The following CSMD1 variants were observed in gnomAD, a reference collection of about 807,000 sequenced individuals.
The protein encoded by CSMD1 is CUB and sushi domain-containing protein 1.
In CSMD1, 213 loss-of-function variants were observed where a neutral mutation model predicts 417.5. The ratio of observed to expected loss-of-function variants is 0.51; its 90% confidence interval spans 0.46 to 0.57. CSMD1 has a LOEUF of 0.57. Among genes scored for constraint, CSMD1 ranks in the 20% least tolerant of loss-of-function variants. The probability of loss-of-function intolerance (pLI) is 0.00; values close to 1 mark genes in which losing one functional copy is unlikely to be tolerated. For missense variants in CSMD1, 6,923 were observed against 4,529.7 expected (o/e 1.53, Z -15.17); for synonymous variants, 2,862 against 1,736.8 (o/e 1.65, Z -16.11).
chr8:4,419,470 G>A (rs1202947938), intron 3 of CSMD1, among the ~76,000 whole-genome samples: 1 of 152,030 alleles, frequency 6.6e-6, no homozygotes, highest in South Asian at 2.1e-4. Context: ...AAACAAATAA[G>A]TCTCTATGCC....
chr8:3,830,266 G>A (rs1190337017), intron 5 of CSMD1, among the ~76,000 whole-genome samples: 1 of 152,198 alleles, frequency 6.6e-6, no homozygotes, highest in Non-Finnish European at 1.5e-5. Flanking sequence ...AATCAGCACA[G>A]TTAGTCACAT....
chr8:3,425,528 C>T (rs1038916932), intron 12 of CSMD1, among the ~76,000 whole-genome samples: 2 of 138,782 alleles, frequency 1.4e-5, no homozygotes, highest in African/African-American at 5.4e-5. Flanking sequence ...GTGGAGGTTG[C>T]AGTGATCTGA....
At chr8:3,472,944 C>T (rs1817189420) in intron 11 of CSMD1, among the ~76,000 whole-genome samples, 1 of 152,046 alleles carries the variant, frequency 6.6e-6, no homozygotes. Flanking sequence ...GTTTTCTCCC[C>T]ATTTCCAACC....
At chr8:4,228,531 T>A (rs1356825972) in intron 3 of CSMD1, among the ~76,000 whole-genome samples, 1 of 151,156 alleles carries the variant, frequency 6.6e-6, no homozygotes, top group African/African-American at 2.4e-5. Context: ...ATCTTGGCTC[T>A]TCTACAACCC....
chr8:4,114,420 T>G (rs1802023425), intron 3 of CSMD1, among the ~76,000 whole-genome samples: 1 of 152,210 alleles, frequency 6.6e-6, no homozygotes, highest in African/African-American at 2.4e-5. Flanking sequence ...TACTGCTCAT[T>G]GACAACACAG....
Position 4,177,212 on chromosome 8 carries a change from G to C in CSMD1, c.416-145113C>G, listed in dbSNP as rs112106367. 3.4e-3 allele frequency among the ~76,000 whole-genome samples: 517 copies of C among 152,208 alleles called. 3 individuals are homozygous for C. Among genetic ancestry groups the C allele is most frequent in the African/African-American group, 0.011 (458 of 41,530 alleles). On this transcript the variant is annotated intron_variant, in intron 3 of 69. Coordinates refer to ENST00000635120, the MANE Select transcript of CSMD1 (RefSeq NM_033225.6). ...TCTCCTCAGCAAATGTAAAAGAAGA[G>C]AAATTATAACAAACTGTCTCTCACA... is the stretch of plus-strand genomic sequence containing the variant.
At chr8:4,874,256 T>C (rs773709796) in intron 1 of CSMD1, among the ~76,000 whole-genome samples, 5 of 152,106 alleles carry the variant, frequency 3.3e-5, no homozygotes, top group African/African-American at 4.8e-5. Flanking sequence ...TCAAATTACG[T>C]GGGATACTGC....
chr8:4,283,423 T>C (rs1038620527), intron 3 of CSMD1, among the ~76,000 whole-genome samples: 1 of 152,214 alleles, frequency 6.6e-6, no homozygotes, highest in Non-Finnish European at 1.5e-5. Context: ...ATTCTTTTCA[T>C]CTGGGTACAG....
At chr8:4,088,959 G>C (rs1413431024) in intron 3 of CSMD1, among the ~76,000 whole-genome samples, 1 of 151,976 alleles carries the variant, frequency 6.6e-6, no homozygotes, top group Non-Finnish European at 1.5e-5. Flanking sequence ...TTCCACGAAG[G>C]GTCACACACC....
At chr8:3,220,829 A>C (rs28393622) in intron 28 of CSMD1, among the ~76,000 whole-genome samples, 1 of 152,018 alleles carries the variant, frequency 6.6e-6, no homozygotes, top group Admixed American at 6.5e-5. Context: ...AGCAAAACTC[A>C]TCTCAAAAAC....
intron 2 of CSMD1, among the ~76,000 whole-genome samples, chr8:4,457,120 G>A (rs1563196335): frequency 6.6e-6 from 1 of 151,930 alleles, no homozygotes; most frequent in South Asian, 2.1e-4. Context: ...GTTTCTTACT[G>A]TGAAAGAGTT....
At chr8:3,546,829 G>C (rs79420220) in intron 10 of CSMD1, among the ~76,000 whole-genome samples, 4,531 of 152,264 alleles carry the variant, frequency 0.03, 164 homozygotes, top group African/African-American at 0.085. Context: ...TTCCAGTGAT[G>C]TTATTACTGA....
intron 3 of CSMD1, among the ~76,000 whole-genome samples, chr8:4,215,809 C>G (rs969368523): frequency 4.6e-5 from 7 of 152,002 alleles, no homozygotes; most frequent in Admixed American, 6.6e-5. Context: ...TTTTCTGGCA[C>G]TAACATTTCA....
intron 1 of CSMD1, among the ~76,000 whole-genome samples, chr8:4,736,605 G>C (rs367963539): frequency 1.3e-5 from 2 of 152,160 alleles, no homozygotes; most frequent in African/African-American, 2.4e-5. Context: ...TATTGTACTG[G>C]AGCTAAAAGG....
intron 2 of CSMD1, among the ~76,000 whole-genome samples, chr8:4,549,016 G>C (rs1306234595): frequency 1.3e-5 from 2 of 152,012 alleles, no homozygotes; most frequent in Non-Finnish European, 2.9e-5. Context: ...CAGATTATGA[G>C]TAATTAAGTA....
intron 2 of CSMD1, among the ~76,000 whole-genome samples, chr8:4,626,654 G>C (rs998875257): frequency 6.6e-6 from 1 of 152,090 alleles, no homozygotes; most frequent in Non-Finnish European, 1.5e-5. Context: ...GCTTGATTCT[G>C]AGGAAGAGCT....
At chr8:3,850,500 G>C (rs1001049914) in intron 5 of CSMD1, among the ~76,000 whole-genome samples, 4 of 152,078 alleles carry the variant, frequency 2.6e-5, no homozygotes, top group Non-Finnish European at 5.9e-5. Flanking sequence ...TTCAAGACCG[G>C]CTTGGCCAAC....
At chr8:4,523,360 A>G (rs1803583279) in intron 2 of CSMD1, among the ~76,000 whole-genome samples, 2 of 152,074 alleles carry the variant, frequency 1.3e-5, no homozygotes, top group Non-Finnish European at 2.9e-5. Flanking sequence ...CATCAAAGTG[A>G]CTTTTTGTTG....
chr8:4,895,076 G>C (rs1251632570), intron 1 of CSMD1, among the ~76,000 whole-genome samples: 10 of 152,096 alleles, frequency 6.6e-5, no homozygotes, highest in African/African-American at 1.7e-4. Context: ...TTAAACATGA[G>C]TAAATATGTT....
Sources: gnomAD v4.1 joint callset for allele counts (sites outside exome capture counted in the v4.1 genomes callset) on GRCh38, gnomAD v4.1.1 for gene constraint, MANE v1.5 for transcripts, NCBI Gene and HGNC (gene_info 2026-07-23, HGNC 2026-07-21) for gene names.